The following NRXN3 variants were observed in gnomAD, a reference collection of about 807,000 sequenced individuals.
NRXN3 encodes neurexin 3, also known as neurexin III.
NRXN3 carries 32 observed loss-of-function variants against 137.6 expected under a neutral mutation model. That is an observed-to-expected ratio of 0.23 (90% CI 0.18 to 0.31). NRXN3 has a LOEUF of 0.31. Among genes scored for constraint, NRXN3 ranks in the 10% least tolerant of loss-of-function variants. NRXN3 has a pLI of 1.00. For missense variants in NRXN3, 1,574 were observed against 2,062.5 expected (o/e 0.76, Z 4.59); for synonymous variants, 798 against 784.5 (o/e 1.02, Z -0.29).
At chr14:78,683,851 T>A (rs1415886824) in intron 6 of NRXN3, among the ~76,000 whole-genome samples, 1 of 152,226 alleles carries the variant, frequency 6.6e-6, no homozygotes, top group Non-Finnish European at 1.5e-5. Flanking sequence ...TTATGATATG[T>A]TAAAATTTCC....
intron 4 of NRXN3, among the ~76,000 whole-genome samples, chr14:78,314,893 CTCTTTCTTTCTT>C (rs67628703): frequency 5.1e-4 from 42 of 82,164 alleles, no homozygotes; most frequent in East Asian, 2.4e-3. Flanking sequence ...TTCTTTCTTT[CTCTTTCTTTCTT>C]TCTTTCTTTC....
chr14:79,143,133 G>A (rs2058971676), intron 15 of NRXN3, among the ~76,000 whole-genome samples: 1 of 152,036 alleles, frequency 6.6e-6, no homozygotes, highest in Non-Finnish European at 1.5e-5. Flanking sequence ...AGGTCCTTGA[G>A]GGCAAAAACA....
intron 15 of NRXN3, among the ~76,000 whole-genome samples, chr14:79,255,689 G>A (rs1181316643): frequency 6.6e-6 from 1 of 152,184 alleles, no homozygotes; most frequent in African/African-American, 2.4e-5. Flanking sequence ...TTTCAACATG[G>A]TGCTACATAG....
intron 15 of NRXN3, among the ~76,000 whole-genome samples, chr14:79,187,935 G>A (rs142475229): frequency 3.3e-5 from 5 of 152,288 alleles, no homozygotes; most frequent in Non-Finnish European, 5.9e-5. Context: ...AGGGTCAGTC[G>A]AGAACATGGA....
At chr14:78,880,625 A>G (rs149449120) in intron 10 of NRXN3, among the ~76,000 whole-genome samples, 22 of 152,266 alleles carry the variant, frequency 1.4e-4, no homozygotes, top group African/African-American at 5.3e-4. Context: ...TGGAAAATGG[A>G]TTCAGAGGGC....
chr14:79,127,319 T>G (rs2056692325), intron 15 of NRXN3, among the ~76,000 whole-genome samples: 1 of 152,334 alleles, frequency 6.6e-6, no homozygotes, highest in East Asian at 1.9e-4. Context: ...TTCTAACGTT[T>G]AAGTCTTTAA....
In NRXN3 at chr14:78,966,130, A is replaced by T; in HGVS notation, c.2501A>T (p.His834Leu). Residue 834 changes from histidine to leucine, a missense_variant, in exon 12 of 21, where the codon CAT becomes CTT. By Grantham distance (99) the His-to-Leu change is moderately conservative. Around this residue, in one of 5 missense-constraint regions of NRXN3, gnomAD observed 718 missense variants for 887.6 expected, o/e 0.81. Coordinates refer to ENST00000335750, the MANE Select transcript of NRXN3 (RefSeq NM_001330195.2). ...GTTGTCCCCTCCAGCTTTATTGGCC[A>T]TCTGCAGAGCCTCATGTTTAATGGC... The part of the protein sequence containing the change: ...ISVVPSSFIG[H>L]LQSLMFNGLL... The T allele has an allele frequency of 6.2e-7, 1 of 1,614,166 alleles. No individual in the cohort carries two copies. Among genetic ancestry groups the T allele is most frequent in the Non-Finnish European group, 8.5e-7 (1 of 1,180,028 alleles).
chr14:78,255,130 C>T (rs1329194872), intron 2 of NRXN3, among the ~76,000 whole-genome samples: 1 of 147,018 alleles, frequency 6.8e-6, no homozygotes, highest in African/African-American at 2.5e-5. Flanking sequence ...GGCCGTCAGC[C>T]ATCTCCCCAT....
chr14:79,054,850 T>G (rs1404509839), intron 15 of NRXN3, among the ~76,000 whole-genome samples: 2 of 152,236 alleles, frequency 1.3e-5, no homozygotes, highest in African/African-American at 4.8e-5. Flanking sequence ...AACAGTCTCC[T>G]ACTTGCTGAA....
At chr14:78,598,619 A>G (rs1433665405) in intron 4 of NRXN3, among the ~76,000 whole-genome samples, 1 of 152,232 alleles carries the variant, frequency 6.6e-6, no homozygotes, top group East Asian at 1.9e-4. Flanking sequence ...GCAAACAGAT[A>G]TCATTATGTG....
chr14:79,769,740 A>G (rs1471126155), intron 19 of NRXN3, among the ~76,000 whole-genome samples: 3 of 152,166 alleles, frequency 2.0e-5, no homozygotes, highest in South Asian at 2.1e-4. Flanking sequence ...ACCAGCTAAC[A>G]TCATAACGAC....
intron 2 of NRXN3, among the ~76,000 whole-genome samples, chr14:78,273,251 T>G (rs1171076821): frequency 6.6e-6 from 1 of 152,220 alleles, no homozygotes; most frequent in Non-Finnish European, 1.5e-5. Flanking sequence ...ACAGGCTGTG[T>G]GACTTTTGGC....
intron 4 of NRXN3, among the ~76,000 whole-genome samples, chr14:78,302,119 G>A (rs754078408): frequency 5.9e-5 from 9 of 152,160 alleles, no homozygotes; most frequent in African/African-American, 1.9e-4. Context: ...TTTCTGATGC[G>A]TGTGGCACTG....
intron 19 of NRXN3, among the ~76,000 whole-genome samples, chr14:79,770,297 C>G (rs1217531249): frequency 6.6e-6 from 1 of 152,094 alleles, no homozygotes; most frequent in African/African-American, 2.4e-5. Context: ...CCAGAACTCT[C>G]CACCCCAAAT....
chr14:79,239,187 G>A (rs2073896319), intron 15 of NRXN3, among the ~76,000 whole-genome samples: 1 of 152,132 alleles, frequency 6.6e-6, no homozygotes. Context: ...AATTATGACA[G>A]CATGCTGTAA....
chr14:79,247,486 C>T, intron 15 of NRXN3: 1 of 152,218 alleles, frequency 6.6e-6, no homozygotes, highest in Admixed American at 6.5e-5. Context: ...ATCTGTGGAA[C>T]TTGCCACAGC....
chr14:78,930,395 C>T (rs1190611739), intron 10 of NRXN3, among the ~76,000 whole-genome samples: 3 of 152,166 alleles, frequency 2.0e-5, no homozygotes, highest in Non-Finnish European at 4.4e-5. Flanking sequence ...CAGTTAGCAG[C>T]ACCGTTGCCT....
At chr14:79,610,689 T>C (rs1220054829) in intron 16 of NRXN3, among the ~76,000 whole-genome samples, 1 of 152,220 alleles carries the variant, frequency 6.6e-6, no homozygotes, top group African/African-American at 2.4e-5. Context: ...TAGAGTTACG[T>C]GAGTTTTTCC....
At chr14:78,764,481 C>T (rs1775493104) in intron 8 of NRXN3, among the ~76,000 whole-genome samples, 1 of 152,164 alleles carries the variant, frequency 6.6e-6, no homozygotes, top group African/African-American at 2.4e-5. Context: ...TTAAGCTGCC[C>T]ACCTATCACA....
Sources: allele counts gnomAD v4.1 joint callset (sites outside exome capture counted in the v4.1 genomes callset), GRCh38; gene constraint gnomAD v4.1.1; regional missense constraint gnomAD v4.1.1; transcripts MANE v1.5; gene names NCBI Gene and HGNC (gene_info 2026-07-23, HGNC 2026-07-21).